The following SOS1 variants were observed in gnomAD, a reference collection of about 807,000 sequenced individuals.
The protein encoded by SOS1 is SOS Ras/Rac guanine nucleotide exchange factor 1.
In SOS1, 25 loss-of-function variants were observed where a neutral mutation model predicts 157.6. The ratio of observed to expected loss-of-function variants is 0.16; its 90% CI spans 0.12 to 0.22. SOS1 has a LOEUF of 0.22. Among genes scored for constraint, SOS1 ranks in the 10% least tolerant of loss-of-function variants. The pLI is 1.00. For missense variants in SOS1, 1,237 were observed against 1,599.1 expected (o/e 0.77, Z 3.86); for synonymous variants, 528 against 534.0 (o/e 0.99, Z 0.16).
intron 1 of SOS1, among the ~76,000 whole-genome samples, chr2:39,073,924 C>T (rs1271906446): frequency 2.0e-5 from 3 of 152,142 alleles, no homozygotes; most frequent in Admixed American, 6.6e-5. Flanking sequence ...TGAGATAAAA[C>T]GTAATAAAGA....
intron 2 of SOS1, among the ~76,000 whole-genome samples, chr2:39,064,863 C>G (rs1671540931): frequency 6.7e-6 from 1 of 149,472 alleles, no homozygotes; most frequent in South Asian, 2.1e-4. Context: ...GTTCTCCTGC[C>G]TCAGCTCCCA....
chr2:39,032,673 A>C (rs779681929), intron 8 of SOS1, among the ~76,000 whole-genome samples: 2 of 152,130 alleles, frequency 1.3e-5, no homozygotes, highest in African/African-American at 2.4e-5. Flanking sequence ...GAAAGGAAGG[A>C]ACTCACTCTG....
intron 22 of SOS1, 64 bp from the exon 23 acceptor site, chr2:38,986,379 G>T (rs1490460427): frequency 1.4e-6 from 2 of 1,434,308 alleles, no homozygotes; most frequent in South Asian, 1.2e-5. Flanking sequence ...ATGACTATAA[G>T]AATTAAGTTG....
chr2:39,044,860 G>GCACA (rs1203349999), intron 6 of SOS1, among the ~76,000 whole-genome samples: 4 of 24,670 alleles, frequency 1.6e-4, no homozygotes, highest in African/African-American at 9.6e-4. Flanking sequence ...ATGCGCGCGC[G>GCACA]CGCGCACACA....
intron 6 of SOS1, among the ~76,000 whole-genome samples, chr2:39,046,266 A>G (rs1445980393): frequency 1.3e-5 from 2 of 152,040 alleles, no homozygotes; most frequent in Non-Finnish European, 2.9e-5. Flanking sequence ...ATTTTCGTAC[A>G]TGTTTTTAAA....
intron 6 of SOS1, among the ~76,000 whole-genome samples, chr2:39,050,649 C>G (rs78951188): frequency 0.014 from 2,080 of 152,238 alleles, 23 homozygotes; most frequent in South Asian, 0.051. Context: ...GGAATAGTTT[C>G]AGATTTTGGA....
intron 1 of SOS1, among the ~76,000 whole-genome samples, chr2:39,079,059 TC>T (rs1364600725): frequency 1.6e-4 from 1 of 6,354 alleles, no homozygotes; most frequent in Non-Finnish European, 2.9e-4. Context: ...AGACTCTGTC[TC>T]CCAAAAAAAA....
At chr2:39,107,663 GAAAA>G (rs11464462) in intron 1 of SOS1, among the ~76,000 whole-genome samples, 3 of 96,262 alleles carry the variant, frequency 3.1e-5, no homozygotes, top group Non-Finnish European at 7.1e-5. Flanking sequence ...ACACTAAAAA[GAAAA>G]AAAAAAAAAA....
intron 10 of SOS1, among the ~76,000 whole-genome samples, chr2:39,021,231 CT>C (rs1464994661): frequency 6.6e-6 from 1 of 151,516 alleles, no homozygotes; most frequent in African/African-American, 2.4e-5. Flanking sequence ...ACTTTCAGGA[CT>C]ACAAAACAAG....
intron 20 of SOS1, chr2:38,993,706 G>T (rs1181304879): frequency 6.6e-6 from 1 of 152,150 alleles, no homozygotes; most frequent in Non-Finnish European, 1.5e-5. Flanking sequence ...TTAGCAGACT[G>T]GGATGACAAA....
chr2:39,019,886 A>G (rs1253728732), intron 10 of SOS1, among the ~76,000 whole-genome samples: 1 of 151,644 alleles, frequency 6.6e-6, no homozygotes, highest in Non-Finnish European at 1.5e-5. Flanking sequence ...GTTTGCCCAG[A>G]AATGAACAAG....
intron 21 of SOS1, among the ~76,000 whole-genome samples, chr2:38,988,958 T>TTTTC (rs1553349960): frequency 6.6e-6 from 1 of 151,582 alleles, no homozygotes; most frequent in Non-Finnish European, 1.5e-5. Flanking sequence ...TTTTTTTTTT[T>TTTTC]CAAAGTTGAG....
chr2:38,981,906 A>G lies in SOS1; in HGVS notation c.*3918T>C, dbSNP rs1043793. 0.8 allele frequency: 121,105 copies of G among 152,120 alleles called. 50,944 individuals are homozygous for G. Among genetic ancestry groups the G allele is most frequent in the Non-Finnish European group, 0.92 (62,810 of 68,010 alleles). 9.4% of individuals were successfully genotyped at this position (152,120 alleles called of 1,614,324 possible). ...GGTTTCACCAGATATTTGCACCCCAAAGTTCCCTGCCCAAATCCCGACCCC... is the reference window on the plus strand; with the variant it reads ...GGTTTCACCAGATATTTGCACCCCAGAGTTCCCTGCCCAAATCCCGACCCC... On this transcript the variant is annotated 3_prime_UTR_variant, in exon 23 of 23. Coordinates refer to ENST00000402219, the MANE Select transcript of SOS1 (RefSeq NM_005633.4).
chr2:39,109,586 A>G (rs1673335935), intron 1 of SOS1, among the ~76,000 whole-genome samples: 1 of 152,182 alleles, frequency 6.6e-6, no homozygotes, highest in Non-Finnish European at 1.5e-5. Context: ...TTCCTACTCA[A>G]AAAAGGCAAC....
chr2:39,116,899 A>G (rs191651041), intron 1 of SOS1, among the ~76,000 whole-genome samples: 67 of 152,280 alleles, frequency 4.4e-4, no homozygotes, highest in Non-Finnish European at 8.5e-4. Flanking sequence ...GCTTCTAATT[A>G]CCCAAGAAAA....
rs1362525333 is a variant in SOS1, at chr2:39,023,196, T to A, written c.1232A>T (p.Gln411Leu). 1.2e-6 allele frequency: 2 copies of A among 1,613,242 alleles called. No homozygotes were observed. Among genetic ancestry groups the A allele is most frequent in the Non-Finnish European group, 1.7e-6 (2 of 1,179,576 alleles). The change falls in exon 10 of 23, where the codon CAA (glutamine) becomes CTA (leucine). Residue 411 changes from glutamine (Q) to leucine (L), a missense_variant. Gln to Leu is a moderately radical substitution (Grantham distance 113). This residue lies in a region of SOS1 where 101 missense variants were observed against 171.5 expected (regional missense o/e 0.59). Transcript: ENST00000402219. ...GATTGCTAGTTGTTTCCCCTTCATTTGCTGACTATAAAACCGACATGCAGA... is the reference window on the plus strand; with the variant it reads ...GATTGCTAGTTGTTTCCCCTTCATTAGCTGACTATAAAACCGACATGCAGA... ...SESACRFYSQ[Q>L]MKGKQLAIKK...
rs182090856 is a variant in SOS1 at position 39,013,144 on chromosome 2, T to A, written c.2167+316A>T. On this transcript the variant is annotated intron_variant, in intron 13 of 22. Transcript: ENST00000402219. ...TTGCCTGTGGCCCACTCGACCTCCA[T>A]CAGTGGTGTTATAATGGCACAACGT... Among the ~76,000 whole-genome samples the A allele has an allele frequency of 1.3e-3, 205 of 152,206 alleles. 1 individual carries two copies. The highest frequency in any genetic ancestry group is 4.5e-3 in the African/African-American group (187 of 41,540).
chr2:39,010,787 A>G, intron 14 of SOS1, 84 bp from the exon 15 acceptor site: 1 of 1,123,734 alleles, frequency 8.9e-7, no homozygotes, highest in East Asian at 2.4e-5. Context: ...GACAAATAAA[A>G]ACTAAACTCT....
chr2:39,022,210 T>C (rs1243956990), intron 10 of SOS1, among the ~76,000 whole-genome samples: 1 of 151,662 alleles, frequency 6.6e-6, no homozygotes, highest in Non-Finnish European at 1.5e-5. Flanking sequence ...ATTTATAATC[T>C]CAGAAATGGA....
Sources: allele counts gnomAD v4.1 joint callset (sites outside exome capture counted in the v4.1 genomes callset), GRCh38; gene constraint gnomAD v4.1.1; regional missense constraint gnomAD v4.1.1; transcripts MANE v1.5; gene names NCBI Gene and HGNC (gene_info 2026-07-23, HGNC 2026-07-21).